The following LRMDA variants were observed in gnomAD, a reference collection of about 807,000 sequenced individuals.
LRMDA encodes leucine rich melanocyte differentiation associated.
Under a neutral mutation model 29.8 loss-of-function variants are expected in LRMDA, and 18 were observed. The ratio of observed to expected loss-of-function variants is 0.60; its 90% CI spans 0.42 to 0.90. LRMDA has a LOEUF of 0.90. Ranked by LOEUF, LRMDA falls within the 40% of genes least tolerant of loss-of-function variation. LRMDA has a pLI of 0.00. For missense variants in LRMDA, 273 were observed against 273.9 expected (o/e 1.00, Z 0.02); for synonymous variants, 125 against 109.4 (o/e 1.14, Z -0.89).
intron 2 of LRMDA, among the ~76,000 whole-genome samples, chr10:75,917,660 A>G (rs1845957436): frequency 6.6e-6 from 1 of 152,198 alleles, no homozygotes; most frequent in Non-Finnish European, 1.5e-5. Context: ...AGGGGCTTGG[A>G]CACTGGCCCC....
chr10:75,758,466 C>T (rs985135716), intron 2 of LRMDA, among the ~76,000 whole-genome samples: 2 of 152,208 alleles, frequency 1.3e-5, no homozygotes, highest in Admixed American at 6.5e-5. Context: ...GACCCGTCAG[C>T]GTTGCTCAGT....
chr10:76,261,026 C>T (rs907381559), intron 5 of LRMDA: 10 of 148,728 alleles, frequency 6.7e-5, no homozygotes, highest in Admixed American at 4.7e-4. Flanking sequence ...TCAAGACTGA[C>T]TTTTATTGGC....
intron 5 of LRMDA, among the ~76,000 whole-genome samples, chr10:76,154,684 AC>A (rs1367208558): frequency 6.6e-6 from 1 of 152,168 alleles, no homozygotes; most frequent in Non-Finnish European, 1.5e-5. Flanking sequence ...AGTTCCTGGC[AC>A]TTGAAAGCTT....
chr10:76,374,165 G>C (rs1161076555), intron 6 of LRMDA, among the ~76,000 whole-genome samples: 2 of 152,176 alleles, frequency 1.3e-5, no homozygotes, highest in African/African-American at 4.8e-5. Context: ...TGAAACTCAA[G>C]TGTACACCAT....
At chr10:76,373,151 G>C (rs917816587) in intron 6 of LRMDA, among the ~76,000 whole-genome samples, 1 of 152,124 alleles carries the variant, frequency 6.6e-6, no homozygotes, top group African/African-American at 2.4e-5. Flanking sequence ...CATTTTGGGA[G>C]ATGCTGCTGT....
In LRMDA at chr10:75,519,209, T is replaced by C. The variant is rs188315245; in HGVS notation, c.131+80715T>C. 7.9e-5 allele frequency among the ~76,000 whole-genome samples: 12 copies of C among 152,296 alleles called. No homozygotes were observed. In the East Asian group the frequency reaches 2.3e-3, roughly 29 times the overall value. ...TTTGGGGTGTAGAGTTCTGCAGATG[T>C]CTATTAGGTCCAATTGGTCCAGAGC... is the stretch of plus-strand genomic sequence containing the variant. On this transcript the variant is annotated intron_variant, in intron 2 of 6. Transcript: ENST00000611255.
At chr10:76,412,034 A>G (rs1319362932) in intron 6 of LRMDA, among the ~76,000 whole-genome samples, 1 of 152,224 alleles carries the variant, frequency 6.6e-6, no homozygotes, top group Non-Finnish European at 1.5e-5. Context: ...CCAATGGTTT[A>G]GTTTGGTTTT....
intron 6 of LRMDA, among the ~76,000 whole-genome samples, chr10:76,351,761 A>C (rs1841179490): frequency 6.6e-6 from 1 of 151,920 alleles, no homozygotes; most frequent in South Asian, 2.1e-4. Flanking sequence ...TTGATTTTAC[A>C]CATAAGGACA....
intron 2 of LRMDA, among the ~76,000 whole-genome samples, chr10:75,984,285 G>A (rs975456977): frequency 2.6e-5 from 4 of 151,518 alleles, no homozygotes; most frequent in East Asian, 1.9e-4. Context: ...CCTGCGGGGA[G>A]GATATCCAAA....
At chr10:76,175,154 G>C (rs914497216) in intron 5 of LRMDA, among the ~76,000 whole-genome samples, 2 of 152,134 alleles carry the variant, frequency 1.3e-5, no homozygotes, top group Admixed American at 6.5e-5. Context: ...GAAGCTCAGA[G>C]GTGAGACACA....
At chr10:75,460,244 G>A (rs1299287829) in intron 2 of LRMDA, among the ~76,000 whole-genome samples, 1 of 152,220 alleles carries the variant, frequency 6.6e-6, no homozygotes, top group Non-Finnish European at 1.5e-5. Flanking sequence ...TAATGTGATT[G>A]CGTAAGTTAA....
chr10:75,476,937 C>T (rs1033864344), intron 2 of LRMDA, among the ~76,000 whole-genome samples: 2 of 152,040 alleles, frequency 1.3e-5, no homozygotes, highest in Non-Finnish European at 2.9e-5. Context: ...ATATGGCCTT[C>T]CCTCTGTGTG....
chr10:76,440,112 G>A (rs940327720), intron 6 of LRMDA, among the ~76,000 whole-genome samples: 1 of 152,164 alleles, frequency 6.6e-6, no homozygotes, highest in Non-Finnish European at 1.5e-5. Flanking sequence ...ATACAAGAGC[G>A]ATTAAGAATC....
intron 2 of LRMDA, among the ~76,000 whole-genome samples, chr10:75,855,883 G>A (rs75386397): frequency 2.0e-5 from 3 of 151,892 alleles, no homozygotes; most frequent in Non-Finnish European, 2.9e-5. Context: ...GTAGATATGC[G>A]GCATTATTTC....
rs146172157 is a variant in LRMDA at position 75,476,997 on chromosome 10, T to C, written c.131+38503T>C. On this transcript the variant is annotated intron_variant, in intron 2 of 6. Coordinates refer to ENST00000611255, the MANE Select transcript of LRMDA (RefSeq NM_001305581.2). ...TCCTCCTCTTCTTTTCTCTCTCTCT[T>C]TTTTTTTTTTGGAGGCATGATCTCC... Among the ~76,000 whole-genome samples, 91 of 146,192 alleles carry C rather than the reference T, an allele frequency of 6.2e-4. No individual in the cohort carries two copies. The East Asian group carries it at 0.016, about 25-fold the overall frequency.
intron 6 of LRMDA, among the ~76,000 whole-genome samples, chr10:76,411,313 T>A (rs10509375): frequency 0.29 from 44,776 of 152,050 alleles, 8,333 homozygotes; most frequent in Middle Eastern, 0.46. Context: ...GTATACGTGG[T>A]TCAGACCAGA....
intron 5 of LRMDA, among the ~76,000 whole-genome samples, chr10:76,214,346 TTTTTTTTTTA>T (rs1209148722): frequency 2.3e-5 from 3 of 132,436 alleles, no homozygotes; most frequent in African/African-American, 6.2e-5. Flanking sequence ...TTTTTTTTTT[TTTTTTTTTTA>T]TGAGACGGAG....
intron 2 of LRMDA, among the ~76,000 whole-genome samples, chr10:76,018,553 G>A (rs1386357616): frequency 2.0e-5 from 3 of 151,070 alleles, no homozygotes; most frequent in African/African-American, 7.3e-5. Flanking sequence ...GCATAAAGAT[G>A]TCAGGCTTCT....
rs1841171340 is a variant in LRMDA at position 75,620,795 on chromosome 10, G to A, written c.131+182301G>A. Among the ~76,000 whole-genome samples the A allele has an allele frequency of 1.3e-5, 2 of 152,090 alleles. 1 individual carries two copies. Among genetic ancestry groups the A allele is most frequent in the South Asian group, 4.2e-4 (2 of 4,818 alleles). On this transcript the variant is annotated intron_variant, in intron 2 of 6. Coordinates refer to ENST00000611255, the MANE Select transcript of LRMDA (RefSeq NM_001305581.2). ...TTTGGCAATTAATTCTTATGACTTTGTGGTCTCTATTCTATTGCCATTTTG... is the reference window on the plus strand; with the variant it reads ...TTTGGCAATTAATTCTTATGACTTTATGGTCTCTATTCTATTGCCATTTTG...
Sources: allele counts gnomAD v4.1 joint callset (sites outside exome capture counted in the v4.1 genomes callset), GRCh38; gene constraint gnomAD v4.1.1; transcripts MANE v1.5; gene names NCBI Gene and HGNC (gene_info 2026-07-23, HGNC 2026-07-21).